Variants in MTG1 observed in about 807,000 individuals in gnomAD.
MTG1 encodes the protein mitochondrial ribosome-associated GTPase 1.
Under a neutral mutation model 39.5 loss-of-function variants are expected in MTG1, and 30 were observed. The observed-to-expected ratio is 0.76, with a 90% CI of 0.57 to 1.03. MTG1 has a LOEUF of 1.03. Among genes scored for constraint, MTG1 ranks in the 50% least tolerant of loss-of-function variants. The pLI, the probability that MTG1 is intolerant of heterozygous loss-of-function variation, is 0.00. For missense variants in MTG1, 513 were observed against 447.4 expected (o/e 1.15, Z -1.32); for synonymous variants, 217 against 179.0 (o/e 1.21, Z -1.69).
chr10:133,402,661 C>CCAGTGCG lies in MTG1; in HGVS notation c.671-25_671-24insGCAGTGC, dbSNP rs761162139. ...GGCAGGAACATAGATGTGGCTGTTT[C>CCAGTGCG]CAGTGCTCACCTCGGCTGCTGCTTC... On this transcript the variant is annotated intron_variant, in intron 8 of 10. Transcript: ENST00000317502. The surrounding 1 kb of genome is among the most constrained non-coding windows in gnomAD (Gnocchi z 4.7). 233 of 1,572,686 alleles carry CCAGTGCG rather than the reference C, an allele frequency of 1.5e-4. No homozygotes were observed. Among genetic ancestry groups the CCAGTGCG allele is most frequent in the Middle Eastern group, 1.4e-3 (8 of 5,520 alleles).
At chr10:133,406,526 T>C (rs1303891270) in intron 9 of MTG1, among the ~76,000 whole-genome samples, 1 of 152,028 alleles carries the variant, frequency 6.6e-6, no homozygotes, top group Admixed American at 6.6e-5. Flanking sequence ...TTGCCTATTA[T>C]TATTATTATT....
chr10:133,394,201 T>C lies in MTG1; in HGVS notation c.-20T>C. 3 of 1,503,918 alleles carry C rather than the reference T, an allele frequency of 2.0e-6. No homozygotes were observed. Among genetic ancestry groups the C allele is most frequent in the Non-Finnish European group, 2.7e-6 (3 of 1,129,074 alleles). The allele number at this position is 1,503,918 out of a possible 1,614,324, so 93.2% of individuals were successfully genotyped here. Reference sequence around the variant, plus strand: ...GCAGAGGAGGTCAGCTGCGGGAGCGTTTCCGGGGACGGTGCCGCCATGAGA... The same window carrying C: ...GCAGAGGAGGTCAGCTGCGGGAGCGCTTCCGGGGACGGTGCCGCCATGAGA... On this transcript the variant is annotated 5_prime_UTR_variant, in exon 1 of 11. Coordinates refer to ENST00000317502, the MANE Select transcript of MTG1 (RefSeq NM_138384.4).
Position 133,422,232 on chromosome 10 carries a change from G to T in MTG1, c.*2067G>T, listed in dbSNP as rs749569980. 2.0e-5 allele frequency: 3 copies of T among 152,380 alleles called. No homozygotes were observed. The highest frequency in any genetic ancestry group is 4.4e-5 in the Non-Finnish European group (3 of 68,158). 9.4% of individuals were successfully genotyped at this position (152,380 alleles called of 1,614,324 possible). Reference sequence around the variant, plus strand: ...GTTAGCTCCTGGCTCCACTGAGCAGGCCGTCAGCTGCCAGCCCACCACGCG... The same window carrying T: ...GTTAGCTCCTGGCTCCACTGAGCAGTCCGTCAGCTGCCAGCCCACCACGCG... On this transcript the variant is annotated 3_prime_UTR_variant, in exon 11 of 11. Transcript: ENST00000317502.
At chr10:133,415,430 C>T (rs367853605) in intron 9 of MTG1, among the ~76,000 whole-genome samples, 66 of 151,982 alleles carry the variant, frequency 4.3e-4, no homozygotes, top group African/African-American at 1.4e-3. Flanking sequence ...ATTTTCTCTA[C>T]GTGTAGAATT....
Position 133,396,140 on chromosome 10 carries a change from A to T in MTG1, c.178-23A>T, listed in dbSNP as rs1415426768. 4.3e-6 allele frequency: 7 copies of T among 1,611,082 alleles called. No homozygotes were observed. In the South Asian group the frequency reaches 7.7e-5, roughly 18 times the overall value. On this transcript the variant is annotated intron_variant, in intron 2 of 10. Coordinates refer to ENST00000317502, the MANE Select transcript of MTG1 (RefSeq NM_138384.4). ...TGGTTGGCTGGTAAAGCTTTGGAGG[A>T]ATTTTTACCTTAATTTTGCCACATC... is the stretch of plus-strand genomic sequence containing the variant.
At chr10:133,401,663 T>G (rs750433824) in intron 7 of MTG1, 73 bp downstream of exon 7, 2 of 1,476,180 alleles carry the variant, frequency 1.4e-6, no homozygotes, top group African/African-American at 2.8e-5. Flanking sequence ...CCGACCTCTG[T>G]GTGGCTTCCG....
At position 133,402,837 on chromosome 10, in the gene MTG1, A is replaced by C. The variant is rs995638658; in HGVS notation, c.752+64A>C. 3.4e-5 allele frequency: 42 copies of C among 1,248,958 alleles called. No homozygotes were observed. Among genetic ancestry groups the C allele is most frequent in the Non-Finnish European group, 4.3e-5 (39 of 898,990 alleles). The allele number at this position is 1,248,958 out of a possible 1,614,324, so 77.4% of individuals were successfully genotyped here. ...CCTAGTCACCTCATTTAAAAAAAAAAAACAAACAAAAAAACCCCCAGCATT... is the reference window on the plus strand; with the variant it reads ...CCTAGTCACCTCATTTAAAAAAAAACAACAAACAAAAAAACCCCCAGCATT... On this transcript the variant is annotated intron_variant, in intron 9 of 10. Coordinates refer to ENST00000317502, the MANE Select transcript of MTG1 (RefSeq NM_138384.4). This position sits in a 1 kb window ranked among gnomAD's most constrained non-coding sequence, Gnocchi z 4.7.
chr10:133,399,421 C>T, intron 5 of MTG1, 108 bp from the exon 6 acceptor site: 3 of 1,267,684 alleles, frequency 2.4e-6, no homozygotes, highest in Non-Finnish European at 3.4e-6. Flanking sequence ...AACCTCCCTT[C>T]TTCCCTGAGC....
Position 133,419,550 on chromosome 10 carries a change from A to G in MTG1, c.823A>G (p.Lys275Glu), listed in dbSNP as rs1589921037. 6.2e-7 allele frequency: 1 copy of G among 1,610,306 alleles called. No homozygotes were observed. Residue 275 changes from lysine (K) to glutamate (E), a missense_variant, in exon 10 of 11, where the codon AAG becomes GAG. Lys to Glu is a moderately conservative substitution (Grantham distance 56, BLOSUM62 1). Transcript: ENST00000317502. ...VERVLKSVAV[K>E]LGKTQKVKVL... ...GCGCGTGCTGAAGAGTGTGGCTGTG[A>G]AGCTGGGGAAGACGCAGAAGGTGAA...
chr10:133,401,566 C>T lies in MTG1; in HGVS notation c.549C>T (p.Thr183=). Residue 183 remains threonine (T), a synonymous_variant, in exon 7 of 11, where the codon ACC becomes ACT. Coordinates refer to ENST00000317502, the MANE Select transcript of MTG1 (RefSeq NM_138384.4). ...ATRVGGEPGI[T]RAVMSKIQVS... The stretch of plus-strand genomic sequence containing the variant: ...GGGTGGGTGGCGAGCCTGGGATCAC[C>T]AGAGCTGTGATGTCCAAAATTCAGG... 1 of 1,604,706 alleles carries T rather than the reference C, an allele frequency of 6.2e-7. No individual in the cohort carries two copies. The highest frequency in any genetic ancestry group is 1.3e-5 in the African/African-American group (1 of 74,792).
Position 133,420,421 on chromosome 10 carries a change from T to C in MTG1, c.*256T>C. ...GCTTGGTTCTCCCGGAGCTTCCTGCTCAGGCCTCTTGAGAAATGGATGCTG... is the reference window on the plus strand; with the variant it reads ...GCTTGGTTCTCCCGGAGCTTCCTGCCCAGGCCTCTTGAGAAATGGATGCTG... On this transcript the variant is annotated 3_prime_UTR_variant, in exon 11 of 11. Transcript: ENST00000317502. 1 of 430,298 alleles carries C rather than the reference T, an allele frequency of 2.3e-6. No individual in the cohort carries two copies. Among genetic ancestry groups the C allele is most frequent in the Non-Finnish European group, 4.1e-6 (1 of 244,382 alleles). 26.7% of individuals were successfully genotyped at this position (430,298 alleles called of 1,614,324 possible). A position where few individuals can be genotyped will look rare whatever the true frequency, so the allele number is the denominator to read the frequency against.
rs150025203 is a variant in MTG1, at chr10:133,396,441, G to A, written c.282+174G>A. Among the ~76,000 whole-genome samples the A allele has an allele frequency of 5.3e-5, 8 of 152,288 alleles. No homozygotes were observed. In the East Asian group the frequency reaches 1.4e-3, roughly 26 times the overall value. On this transcript the variant is annotated intron_variant, in intron 3 of 10. Coordinates refer to ENST00000317502, the MANE Select transcript of MTG1 (RefSeq NM_138384.4). ...GCCAGCATCGTTTCTCATATGGCGTGCCCCCATCTAATGTGTGGTTCGTGA... is the reference window on the plus strand; with the variant it reads ...GCCAGCATCGTTTCTCATATGGCGTACCCCCATCTAATGTGTGGTTCGTGA...
At chr10:133,414,681 G>A (rs1413404524) in intron 9 of MTG1, among the ~76,000 whole-genome samples, 2 of 151,654 alleles carry the variant, frequency 1.3e-5, no homozygotes, top group Non-Finnish European at 2.9e-5. Flanking sequence ...CATCCCAGAC[G>A]ATGGGCGGCC....
chr10:133,407,778 C>A, intron 9 of MTG1, among the ~76,000 whole-genome samples: 1 of 152,106 alleles, frequency 6.6e-6, no homozygotes, highest in African/African-American at 2.4e-5. Context: ...CCACGTTGGT[C>A]AGGCTGGTCT....
chr10:133,411,047 T>C (rs1009752898), intron 9 of MTG1, among the ~76,000 whole-genome samples: 8 of 152,272 alleles, frequency 5.3e-5, no homozygotes, highest in Non-Finnish European at 1.0e-4. Context: ...GTGTGTTTAC[T>C]TTTGCCAGTG....
rs558444474 is a variant in MTG1 at position 133,394,398 on chromosome 10, C to T, written c.112+66C>T. 130 of 1,362,996 alleles carry T rather than the reference C, an allele frequency of 9.5e-5. 2 individuals are homozygous for T. In the South Asian group the frequency reaches 1.6e-3, roughly 17 times the overall value. The allele number at this position is 1,362,996 out of a possible 1,614,324, so 84.4% of individuals were successfully genotyped here. A position where few individuals can be genotyped will look rare whatever the true frequency, so the allele number is the denominator to read the frequency against. ...GCGGCGCCTCTGCTTCCCTCCCACC[C>T]CGGTTTCGGCCGTCGCCTGCTTCTC... On this transcript the variant is annotated intron_variant, in intron 1 of 10. Transcript: ENST00000317502.
intron 9 of MTG1, among the ~76,000 whole-genome samples, chr10:133,417,172 T>C (rs1403287407): frequency 6.6e-6 from 1 of 152,146 alleles, no homozygotes. Flanking sequence ...TCAAAAAGCT[T>C]ATCCACCATG....
intron 5 of MTG1, 97 bp downstream of exon 5, chr10:133,399,323 A>G (rs1036444121): frequency 1.6e-5 from 22 of 1,417,942 alleles, no homozygotes; most frequent in Non-Finnish European, 1.9e-5. Context: ...GCAGCGCCCC[A>G]GGCAGGGAGG....
In MTG1 at chr10:133,421,474, C is replaced by G. The variant is rs912607467; in HGVS notation, c.*1309C>G. On this transcript the variant is annotated 3_prime_UTR_variant, in exon 11 of 11. Coordinates refer to ENST00000317502, the MANE Select transcript of MTG1 (RefSeq NM_138384.4). Reference sequence around the variant, plus strand: ...GCTGTGAGGAGACTCAGACCACCCCCTGCCTCCTGGGGGAAATGTCAGAAG... The same window carrying G: ...GCTGTGAGGAGACTCAGACCACCCCGTGCCTCCTGGGGGAAATGTCAGAAG... 6.5e-6 allele frequency: 1 copy of G among 152,810 alleles called. No homozygotes were observed. The highest frequency in any genetic ancestry group is 6.5e-5 in the Admixed American group (1 of 15,282). The allele number at this position is 152,810 out of a possible 1,614,324, so 9.5% of individuals were successfully genotyped here. A position where few individuals can be genotyped will look rare whatever the true frequency, so the allele number is the denominator to read the frequency against.
Sources: gnomAD v4.1 joint callset for allele counts (sites outside exome capture counted in the v4.1 genomes callset) on GRCh38, gnomAD v4.1.1 for gene constraint, Gnocchi (gnomAD v3.1) non-coding constraint, MANE v1.5 for transcripts, NCBI Gene and HGNC (gene_info 2026-07-23, HGNC 2026-07-21) for gene names.